Variants in RASGRP3 observed in about 807,000 individuals in gnomAD.
The protein encoded by RASGRP3 is ras guanyl-releasing protein 3.
RASGRP3 carries 54 observed loss-of-function variants against 82.7 expected under a neutral mutation model. The observed-to-expected ratio is 0.65, with a 90% CI of 0.52 to 0.82. The LOEUF is 0.82. RASGRP3 is among the 40% of genes least tolerant of loss of function. RASGRP3 has a pLI of 0.00. For missense variants in RASGRP3, 861 were observed against 828.9 expected, an observed-to-expected ratio of 1.04 and a Z score of -0.48; for synonymous variants, 309 against 300.5, an observed-to-expected ratio of 1.03 and a Z score of -0.29.
intron 4 of RASGRP3, among the ~76,000 whole-genome samples, chr2:33,518,637 C>T (rs1341114427): frequency 6.6e-6 from 1 of 152,178 alleles, no homozygotes; most frequent in Non-Finnish European, 1.5e-5. Flanking sequence ...CCTTAAAACA[C>T]AAATATATTG....
intron 2 of RASGRP3, among the ~76,000 whole-genome samples, chr2:33,451,070 T>C (rs1665774233): frequency 1.3e-5 from 2 of 151,980 alleles, no homozygotes; most frequent in South Asian, 4.2e-4. Flanking sequence ...CTCGATCTCC[T>C]GACCAGGATG....
intron 2 of RASGRP3, among the ~76,000 whole-genome samples, chr2:33,464,907 C>T (rs1666602243): frequency 6.6e-6 from 1 of 152,240 alleles, no homozygotes; most frequent in Non-Finnish European, 1.5e-5. Context: ...TTCCCCACCT[C>T]TCTTCCTCTC....
At chr2:33,442,959 T>C (rs1665307299) in intron 1 of RASGRP3, among the ~76,000 whole-genome samples, 2 of 152,152 alleles carry the variant, frequency 1.3e-5, no homozygotes, top group Admixed American at 1.3e-4. Flanking sequence ...GTGTTTTTAA[T>C]TCAGTAATCC....
chr2:33,549,573 G>A lies in RASGRP3; in HGVS notation c.1395-31G>A, dbSNP rs200942256. ...ACTACTTAGCAACCTGTTATTTAAA[G>A]ATTCCCTCCCTTCTTTGATTCTCTT... On this transcript the variant is annotated intron_variant, in intron 13 of 17. Coordinates refer to ENST00000403687, the MANE Select transcript of RASGRP3 (RefSeq NM_001139488.2). 59 of 1,593,284 alleles carry A rather than the reference G, an allele frequency of 3.7e-5. No individual in the cohort carries two copies. The Middle Eastern group carries it at 5.2e-4, about 14-fold the overall frequency.
chr2:33,441,963 A>G (rs958673498), intron 1 of RASGRP3, among the ~76,000 whole-genome samples: 1 of 152,240 alleles, frequency 6.6e-6, no homozygotes, highest in Admixed American at 6.5e-5. Context: ...CAGACATTAA[A>G]TTACATTATA....
intron 1 of RASGRP3, among the ~76,000 whole-genome samples, chr2:33,444,802 T>C (rs553930426): frequency 6.6e-6 from 1 of 152,364 alleles, no homozygotes; most frequent in Admixed American, 6.5e-5. Context: ...AGAAGTTTTT[T>C]TAATAAACAT....
At chr2:33,555,592 AT>A in intron 15 of RASGRP3, 25 bp downstream of exon 15, 2 of 1,542,950 alleles carry the variant, frequency 1.3e-6, no homozygotes, top group South Asian at 1.2e-5. Flanking sequence ...TTTTGTTACA[AT>A]TTTTAAAATG....
At chr2:33,441,718 C>T (rs184206327) in intron 1 of RASGRP3, among the ~76,000 whole-genome samples, 2 of 152,312 alleles carry the variant, frequency 1.3e-5, no homozygotes, top group East Asian at 1.9e-4. Context: ...AATGCACATA[C>T]GTGCCTTTTT....
chr2:33,525,010 G>A (rs1435339484), intron 9 of RASGRP3, among the ~76,000 whole-genome samples: 1 of 150,876 alleles, frequency 6.6e-6, no homozygotes, highest in Non-Finnish European at 1.5e-5. Context: ...GAACCTGGGA[G>A]GCAGAGCTTG....
intron 2 of RASGRP3, among the ~76,000 whole-genome samples, chr2:33,512,977 A>T (rs75243551): frequency 6.6e-6 from 1 of 152,198 alleles, no homozygotes; most frequent in South Asian, 2.1e-4. Context: ...GCAGTAGGAC[A>T]TGCCAAGTGA....
intron 13 of RASGRP3, among the ~76,000 whole-genome samples, chr2:33,548,630 G>T (rs1377228186): frequency 6.6e-6 from 1 of 152,092 alleles, no homozygotes; most frequent in Admixed American, 6.5e-5. Context: ...GGAAAGGAAA[G>T]GTGTGATCGC....
chr2:33,514,391 G>A (rs557458159), intron 2 of RASGRP3, among the ~76,000 whole-genome samples: 15 of 151,042 alleles, frequency 9.9e-5, no homozygotes, highest in Non-Finnish European at 1.8e-4. Flanking sequence ...AAAGGTGGCC[G>A]GGCACAGTGG....
At chr2:33,475,850 C>T (rs557697398), upstream of RASGRP3, among the ~76,000 whole-genome samples, 68 of 152,276 alleles carry the variant, frequency 4.5e-4, no homozygotes, top group African/African-American at 1.4e-3. Context: ...GGCAGTAGTG[C>T]GTCTGTAAAG....
chr2:33,510,335 C>G (rs1309433189), intron 1 of RASGRP3, among the ~76,000 whole-genome samples: 1 of 152,074 alleles, frequency 6.6e-6, no homozygotes. Flanking sequence ...CTTATAAATC[C>G]TACAATTCTA....
intron 12 of RASGRP3, among the ~76,000 whole-genome samples, chr2:33,542,114 AAAAT>A (rs1674334741): frequency 6.8e-6 from 1 of 147,164 alleles, no homozygotes. Flanking sequence ...TCTAAAAAGA[AAAAT>A]AAATAAATAA....
At chr2:33,439,314 T>C (rs549339042) in intron 1 of RASGRP3, among the ~76,000 whole-genome samples, 2 of 152,308 alleles carry the variant, frequency 1.3e-5, no homozygotes. Context: ...AAGGAAGACC[T>C]GATCCAGACG....
At chr2:33,436,353 G>T (rs1346848658) in exon 1 of RASGRP3, 1 of 152,210 alleles carries the variant, frequency 6.6e-6, no homozygotes. Context: ...AATTCATTGA[G>T]CTCAAAGCTT....
At chr2:33,490,560 G>A (rs1014300201) in intron 1 of RASGRP3, among the ~76,000 whole-genome samples, 5 of 152,212 alleles carry the variant, frequency 3.3e-5, no homozygotes, top group Admixed American at 1.3e-4. Context: ...GTGCTTTTAA[G>A]TTTTCCTTCT....
intron 1 of RASGRP3, among the ~76,000 whole-genome samples, chr2:33,494,151 A>G (rs932233550): frequency 6.6e-6 from 1 of 152,176 alleles, no homozygotes; most frequent in Non-Finnish European, 1.5e-5. Context: ...AGGTAGTTAA[A>G]CTGGCAACTA....
Sources: allele counts gnomAD v4.1 joint callset (sites outside exome capture counted in the v4.1 genomes callset), GRCh38; gene constraint gnomAD v4.1.1; transcripts MANE v1.5; gene names NCBI Gene and HGNC (gene_info 2026-07-23, HGNC 2026-07-21).